KCNH8: variants seen among roughly 807,000 people sequenced by gnomAD.
KCNH8 encodes the protein potassium voltage-gated channel subfamily H member 8, also known as voltage-gated delayed rectifier potassium channel KCNH8.
A neutral mutation model predicts 103.6 loss-of-function variants in KCNH8; 70 were observed. The ratio of observed to expected loss-of-function variants is 0.68; its 90% CI spans 0.56 to 0.82. KCNH8 has a LOEUF of 0.82. Among genes scored for constraint, KCNH8 ranks in the 40% least tolerant of loss-of-function variants. The pLI is 0.00. For missense variants in KCNH8, 1,217 were observed against 1,329.9 expected (o/e 0.92, Z 1.32); for synonymous variants, 498 against 489.4 (o/e 1.02, Z -0.23).
rs541415436 is a variant in KCNH8 at position 19,481,714 on chromosome 3, C to T, written c.2040+24732C>T. On this transcript the variant is annotated intron_variant, in intron 11 of 15. Coordinates refer to ENST00000328405, the MANE Select transcript of KCNH8 (RefSeq NM_144633.3). ...ACCTTGCATCATGAGCTATTTGGGT[C>T]GGCTTTATGGGAATCATCAAAACCC... Among the ~76,000 whole-genome samples the T allele has an allele frequency of 3.9e-5, 6 of 152,274 alleles. No homozygotes were observed. The South Asian group carries it at 1.2e-3, about 32-fold the overall frequency.
chr3:19,187,611 A>G (rs568407710), intron 1 of KCNH8, among the ~76,000 whole-genome samples: 3 of 152,226 alleles, frequency 2.0e-5, no homozygotes, highest in South Asian at 2.1e-4. Context: ...CCAAACTCAC[A>G]TGGAATTTCA....
chr3:19,151,419 T>C (rs892376096), intron 1 of KCNH8, among the ~76,000 whole-genome samples: 1 of 152,100 alleles, frequency 6.6e-6, no homozygotes, highest in Non-Finnish European at 1.5e-5. Context: ...TTTACGGTCA[T>C]GCTAGTTTCT....
In KCNH8 at chr3:19,347,894, G is replaced by T. The variant is rs1346859166; in HGVS notation, c.740G>T (p.Gly247Val). 1.2e-6 allele frequency: 2 copies of T among 1,613,174 alleles called. No individual in the cohort carries two copies. Among genetic ancestry groups the T allele is most frequent in the Admixed American group, 1.7e-5 (1 of 59,906 alleles). ...GTACCTTACAACGTTTGCTTTATTGGCAATGACGACCTGTCCACAACTCGG... is the reference window on the plus strand; with the variant it reads ...GTACCTTACAACGTTTGCTTTATTGTCAATGACGACCTGTCCACAACTCGG... ...VTVPYNVCFI[G>V]NDDLSTTRST... The change falls in exon 5 of 16, where the codon GGC becomes GTC. Residue 247 changes from glycine to valine, a missense_variant. Gly to Val is a moderately radical substitution (Grantham distance 109). This residue lies in a region of KCNH8 where 415 missense variants were observed against 577.4 expected (regional missense o/e 0.72). Coordinates refer to ENST00000328405, the MANE Select transcript of KCNH8 (RefSeq NM_144633.3).
intron 1 of KCNH8, among the ~76,000 whole-genome samples, chr3:19,246,913 T>C (rs1473317963): frequency 1.3e-5 from 2 of 152,312 alleles, no homozygotes; most frequent in African/African-American, 4.8e-5. Context: ...TCCATTTGTC[T>C]CTCTGTTTGT....
chr3:19,441,556 C>A (rs1284058238), intron 8 of KCNH8, among the ~76,000 whole-genome samples: 1 of 152,178 alleles, frequency 6.6e-6, no homozygotes, highest in Admixed American at 6.5e-5. Flanking sequence ...AAGGTTTGAA[C>A]CCAGGTGCAT....
At chr3:19,330,407 T>G (rs538760109) in intron 3 of KCNH8, among the ~76,000 whole-genome samples, 1 of 152,334 alleles carries the variant, frequency 6.6e-6, no homozygotes, top group South Asian at 2.1e-4. Context: ...TCAGAAATTG[T>G]TCATATGAGC....
intron 8 of KCNH8, among the ~76,000 whole-genome samples, chr3:19,438,742 C>A (rs936027976): frequency 7.2e-5 from 11 of 152,182 alleles, no homozygotes; most frequent in Admixed American, 2.6e-4. Context: ...GTACTCTGGA[C>A]AGTGGCTTAG....
chr3:19,151,473 A>C (rs2063129235), intron 1 of KCNH8, among the ~76,000 whole-genome samples: 1 of 152,114 alleles, frequency 6.6e-6, no homozygotes, highest in Non-Finnish European at 1.5e-5. Context: ...ATTAGAGAGC[A>C]AACAACAACC....
intron 1 of KCNH8, among the ~76,000 whole-genome samples, chr3:19,243,714 T>A (rs1275187916): frequency 6.6e-6 from 1 of 152,174 alleles, no homozygotes; most frequent in Non-Finnish European, 1.5e-5. Context: ...AGTGTAAAGG[T>A]AATAAAACGA....
intron 9 of KCNH8, chr3:19,450,912 G>A: frequency 2.1e-6 from 1 of 486,070 alleles, no homozygotes; most frequent in Non-Finnish European, 3.7e-6. Context: ...ATGTTTTCCT[G>A]CTAGAGGCTT....
chr3:19,183,918 G>A (rs2063479405), intron 1 of KCNH8, among the ~76,000 whole-genome samples: 1 of 152,064 alleles, frequency 6.6e-6, no homozygotes, highest in African/African-American at 2.4e-5. Context: ...GTTTTTAAAA[G>A]TTTGAATGTA....
At chr3:19,209,795 C>T (rs987750218) in intron 1 of KCNH8, among the ~76,000 whole-genome samples, 3 of 152,036 alleles carry the variant, frequency 2.0e-5, no homozygotes, top group Admixed American at 2.0e-4. Context: ...AGAATTCAGA[C>T]AGGATTCAGG....
rs1168240456 is a variant in KCNH8 at position 19,342,732 on chromosome 3, A to G, written c.570+18A>G. 2 of 1,594,040 alleles carry G rather than the reference A, an allele frequency of 1.3e-6. No homozygotes were observed. Among genetic ancestry groups the G allele is most frequent in the South Asian group, 1.1e-5 (1 of 90,218 alleles). Reference sequence around the variant, plus strand: ...TAAATAACGTAGGTGGTATGTGTGTACAGGATGAATGCTAGTGTTTCCCCT... The same window carrying G: ...TAAATAACGTAGGTGGTATGTGTGTGCAGGATGAATGCTAGTGTTTCCCCT... On this transcript the variant is annotated intron_variant, in intron 4 of 15. Transcript: ENST00000328405.
intron 1 of KCNH8, among the ~76,000 whole-genome samples, chr3:19,176,110 A>G (rs1361167509): frequency 1.3e-5 from 2 of 152,084 alleles, no homozygotes; most frequent in Admixed American, 6.5e-5. Context: ...TGTCCAGCTG[A>G]GTTTGAGGTG....
chr3:19,259,642 A>T (rs1466599802), intron 2 of KCNH8, among the ~76,000 whole-genome samples: 2 of 151,758 alleles, frequency 1.3e-5, no homozygotes, highest in African/African-American at 4.8e-5. Flanking sequence ...TTAAAATTTA[A>T]TTATCTGATG....
intron 3 of KCNH8, among the ~76,000 whole-genome samples, chr3:19,289,789 A>G (rs187176781): frequency 1.3e-5 from 2 of 152,152 alleles, no homozygotes; most frequent in Non-Finnish European, 2.9e-5. Flanking sequence ...GAAGAAAGTC[A>G]TTGGTATCTT....
intron 5 of KCNH8, 34 bp downstream of exon 5, chr3:19,347,999 G>A (rs927304146): frequency 6.2e-7 from 1 of 1,603,712 alleles, no homozygotes; most frequent in Non-Finnish European, 8.5e-7. Flanking sequence ...TACGATATTT[G>A]CATATGAGAA....
chr3:19,262,507 A>G lies in KCNH8; in HGVS notation c.310+8620A>G, dbSNP rs539534539. 4.0e-4 allele frequency among the ~76,000 whole-genome samples: 61 copies of G among 152,180 alleles called. 1 individual carries two copies. Among genetic ancestry groups the G allele is most frequent in the Admixed American group, 2.9e-3 (44 of 15,264 alleles). ...TAAAATTTCAGAGTATTCCCAAAAT[A>G]ACAATTTTAAATTTGAAGCACATGT... is the stretch of plus-strand genomic sequence containing the variant. On this transcript the variant is annotated intron_variant, in intron 2 of 15. Transcript: ENST00000328405.
chr3:19,383,706 ATAAT>A (rs2066318373), intron 5 of KCNH8, among the ~76,000 whole-genome samples: 1 of 152,158 alleles, frequency 6.6e-6, no homozygotes, highest in Non-Finnish European at 1.5e-5. Flanking sequence ...TGTAACTTGA[ATAAT>A]TAATATTTAC....
Sources: allele counts gnomAD v4.1 joint callset (sites outside exome capture counted in the v4.1 genomes callset), GRCh38; gene constraint gnomAD v4.1.1; regional missense constraint gnomAD v4.1.1; transcripts MANE v1.5; gene names NCBI Gene and HGNC (gene_info 2026-07-23, HGNC 2026-07-21).